The following RBFOX1 variants were observed in gnomAD, a reference collection of about 807,000 sequenced individuals.
RBFOX1 encodes the protein RNA binding fox-1 homolog 1.
In RBFOX1, 8 loss-of-function variants were observed where a neutral mutation model predicts 57.7. The observed-to-expected ratio is 0.14, with a 90% CI of 0.08 to 0.25. RBFOX1 has a LOEUF of 0.25. Ranked by LOEUF, RBFOX1 falls within the 10% of genes least tolerant of loss-of-function variation. The pLI is 1.00. For synonymous variants in RBFOX1, 326 were observed against 222.4 expected, an observed-to-expected ratio of 1.47 and a Z score of -4.15; for missense variants, 611 against 548.5, an observed-to-expected ratio of 1.11 and a Z score of -1.14.
chr16:6,096,911 T>A (rs936988817), intron 1 of RBFOX1, among the ~76,000 whole-genome samples: 18 of 152,206 alleles, frequency 1.2e-4, no homozygotes, highest in African/African-American at 4.3e-4. Flanking sequence ...CTGAACCACC[T>A]GTTGCATTTT....
intron 4 of RBFOX1, among the ~76,000 whole-genome samples, chr16:7,067,417 G>A (rs151248469): frequency 1.3e-5 from 2 of 149,362 alleles, no homozygotes; most frequent in African/African-American, 2.5e-5. Flanking sequence ...CCAAGGCTGT[G>A]TTTCTTTTGG....
intron 3 of RBFOX1, among the ~76,000 whole-genome samples, chr16:6,890,635 C>G (rs1171254669): frequency 6.6e-6 from 1 of 152,202 alleles, no homozygotes; most frequent in African/African-American, 2.4e-5. Context: ...GTGTTTGTAA[C>G]AGTCTTTCCT....
At chr16:6,994,376 G>T (rs1000884939) in intron 3 of RBFOX1, among the ~76,000 whole-genome samples, 1 of 152,154 alleles carries the variant, frequency 6.6e-6, no homozygotes, top group Non-Finnish European at 1.5e-5. Flanking sequence ...CAAACACAGA[G>T]TTGAGCTGAA....
intron 3 of RBFOX1, among the ~76,000 whole-genome samples, chr16:6,783,317 T>C (rs1413070297): frequency 6.8e-6 from 1 of 146,236 alleles, no homozygotes. Flanking sequence ...TCTCTCTTCC[T>C]TTTTTTTTTT....
rs558834126 is a variant in RBFOX1 at position 5,369,333 on chromosome 16, T to C, written c.220-97883T>C. Among the ~76,000 whole-genome samples, 4 of 152,294 alleles carry C rather than the reference T, an allele frequency of 2.6e-5. No homozygotes were observed. The East Asian group carries it at 7.7e-4, about 29-fold the overall frequency. Reference sequence around the variant, plus strand: ...TTTTTAAAATGTAAAATAAGCAACATTTCTACCTGTCCCTTAGCCGTCTTT... The same window carrying C: ...TTTTTAAAATGTAAAATAAGCAACACTTCTACCTGTCCCTTAGCCGTCTTT... On this transcript the variant is annotated intron_variant, in intron 1 of 2. Coordinates refer to the RBFOX1 transcript ENST00000585867.
intron 3 of RBFOX1, among the ~76,000 whole-genome samples, chr16:7,028,541 T>G (rs1266986105): frequency 2.3e-5 from 3 of 132,094 alleles, no homozygotes; most frequent in Non-Finnish European, 4.6e-5. Context: ...GAGCTGAGGT[T>G]GAAGCATTGC....
At chr16:7,035,528 C>T (rs527861715) in intron 3 of RBFOX1, among the ~76,000 whole-genome samples, 43 of 152,178 alleles carry the variant, frequency 2.8e-4, no homozygotes, top group Non-Finnish European at 3.7e-4. Context: ...TATTTTCCCA[C>T]TCAGTTTCTT....
At chr16:6,346,965 T>C (rs2085479040) in intron 2 of RBFOX1, among the ~76,000 whole-genome samples, 1 of 152,122 alleles carries the variant, frequency 6.6e-6, no homozygotes, top group Non-Finnish European at 1.5e-5. Flanking sequence ...TCAATGTGTG[T>C]TGTAAGGTGG....
chr16:7,041,911 A>G (rs756889224), intron 3 of RBFOX1, among the ~76,000 whole-genome samples: 5 of 149,334 alleles, frequency 3.3e-5, no homozygotes, highest in Non-Finnish European at 7.4e-5. Context: ...TGCAGGTACC[A>G]TATTATCTCT....
intron 3 of RBFOX1, among the ~76,000 whole-genome samples, chr16:5,788,114 A>G (rs1474345411): frequency 6.6e-6 from 1 of 152,170 alleles, no homozygotes; most frequent in Non-Finnish European, 1.5e-5. Flanking sequence ...CGGAGATTCG[A>G]CTGCTGAAAA....
intron 4 of RBFOX1, among the ~76,000 whole-genome samples, chr16:7,492,330 A>C (rs1388680008): frequency 6.6e-6 from 1 of 152,150 alleles, no homozygotes; most frequent in Non-Finnish European, 1.5e-5. Context: ...ATGGGGGTCA[A>C]CTTTTCTACC....
rs539769066 is a variant in RBFOX1 at position 6,810,027 on chromosome 16, C to CG, written c.-16+155377_-16+155378insG. Among the ~76,000 whole-genome samples, 3 of 142,652 alleles carry CG rather than the reference C, an allele frequency of 2.1e-5. No individual in the cohort carries two copies. In the Admixed American group the frequency reaches 2.1e-4, roughly 10 times the overall value. The allele number at this position is 142,652 out of a possible 152,430, so 93.6% of individuals were successfully genotyped here. On this transcript the variant is annotated intron_variant, in intron 3 of 15. Transcript: ENST00000550418. ...CTGAAAAAATTCTCTTCTCTCTCAC[C>CG]TTTTTTTTTTTTTTCTGTTAATAAG...
At chr16:5,983,915 T>TCCTCCTCCTCCTCCTCCTCCTCCC (rs2060225618) in intron 4 of RBFOX1, among the ~76,000 whole-genome samples, 2 of 123,682 alleles carry the variant, frequency 1.6e-5, no homozygotes, top group South Asian at 3.1e-4. Flanking sequence ...CTCCTCCTCT[T>TCCTCCTCCTCCTCCTCCTCCTCCC]CCTCCTCCTC....
At chr16:7,038,971 C>T (rs1469772875) in intron 3 of RBFOX1, among the ~76,000 whole-genome samples, 1 of 152,140 alleles carries the variant, frequency 6.6e-6, no homozygotes, top group African/African-American at 2.4e-5. Context: ...TGAATCTCTC[C>T]AGTGACTTAT....
chr16:7,248,842 C>G (rs73552733), intron 4 of RBFOX1, among the ~76,000 whole-genome samples: 5,887 of 152,264 alleles, frequency 0.039, 362 homozygotes, highest in African/African-American at 0.13. Context: ...TAGCTGTCAT[C>G]TATTTGTAAT....
chr16:6,869,884 T>A (rs2060570913), intron 3 of RBFOX1, among the ~76,000 whole-genome samples: 2 of 152,094 alleles, frequency 1.3e-5, no homozygotes, highest in Non-Finnish European at 2.9e-5. Context: ...CGTATATGTC[T>A]CCCCGCAGTA....
intron 4 of RBFOX1, among the ~76,000 whole-genome samples, chr16:7,265,958 GTTTTTGTTTTTTT>G (rs1337385783): frequency 9.3e-6 from 1 of 107,604 alleles, no homozygotes; most frequent in Non-Finnish European, 1.7e-5. Flanking sequence ...GATCTGGTGG[GTTTTTGTTTTTTT>G]TTTTTTTTTT....
At chr16:7,617,727 A>AC (rs1450766298) in intron 10 of RBFOX1, among the ~76,000 whole-genome samples, 1 of 152,172 alleles carries the variant, frequency 6.6e-6, no homozygotes, top group Non-Finnish European at 1.5e-5. Context: ...AGGTACCAAA[A>AC]CAGACCCAGG....
At chr16:7,375,506 G>GTT (rs78927148) in intron 4 of RBFOX1, among the ~76,000 whole-genome samples, 4 of 141,220 alleles carry the variant, frequency 2.8e-5, no homozygotes, top group African/African-American at 7.8e-5. Flanking sequence ...TTGTTTTTTT[G>GTT]TTTTTTTTTT....
Sources: allele counts gnomAD v4.1 joint callset (sites outside exome capture counted in the v4.1 genomes callset), GRCh38; gene constraint gnomAD v4.1.1; transcripts MANE v1.5; gene names NCBI Gene and HGNC (gene_info 2026-07-23, HGNC 2026-07-21).